Variants in ERBB4 observed in about 807,000 individuals in gnomAD.
ERBB4 encodes erb-b2 receptor tyrosine kinase 4.
ERBB4 carries 42 observed loss-of-function variants against 158.0 expected under a neutral mutation model. The observed-to-expected ratio is 0.27, with a 90% CI of 0.21 to 0.34. ERBB4 has a LOEUF of 0.34. ERBB4 is among the 10% of genes least tolerant of loss of function. The probability of loss-of-function intolerance (pLI) is 1.00; values close to 1 mark genes in which losing one functional copy is unlikely to be tolerated. For missense variants in ERBB4, 1,333 were observed against 1,624.1 expected (o/e 0.82, Z 3.08); for synonymous variants, 583 against 558.7 (o/e 1.04, Z -0.61).
At chr2:212,045,362 G>T (rs960764275) in intron 2 of ERBB4, among the ~76,000 whole-genome samples, 3 of 152,184 alleles carry the variant, frequency 2.0e-5, no homozygotes, top group Non-Finnish European at 4.4e-5. Flanking sequence ...GGAGGCTGAG[G>T]CATGAGAATC....
chr2:211,947,311 C>A, intron 3 of ERBB4, 119 bp downstream of exon 3: 1 of 811,752 alleles, frequency 1.2e-6, no homozygotes, highest in Admixed American at 2.3e-5. Context: ...AAATAAATCA[C>A]TGATATTTAA....
chr2:211,447,254 CAA>C (rs2064133907), intron 20 of ERBB4, among the ~76,000 whole-genome samples: 1 of 152,004 alleles, frequency 6.6e-6, no homozygotes, highest in Non-Finnish European at 1.5e-5. Flanking sequence ...TCTTTTATGA[CAA>C]GACTTAGCTC....
chr2:211,398,933 A>G lies in ERBB4; in HGVS notation c.3136-10941T>C, dbSNP rs540360307. Among the ~76,000 whole-genome samples, 4 of 152,314 alleles carry G rather than the reference A, an allele frequency of 2.6e-5. No homozygotes were observed. In the East Asian group the frequency reaches 5.8e-4, roughly 22 times the overall value. On this transcript the variant is annotated intron_variant, in intron 25 of 27. Transcript: ENST00000342788. Reference sequence around the variant, plus strand: ...GGCTTTGGTAACTATGATCCTTGCCAGTTTCTCCAGCTTCACCTCTTTCTT... The same window carrying G: ...GGCTTTGGTAACTATGATCCTTGCCGGTTTCTCCAGCTTCACCTCTTTCTT...
rs773380410 is a variant in ERBB4 at position 211,788,027 on chromosome 2, C to A, written c.554G>T (p.Gly185Val). Residue 185 changes from glycine to valine, a missense_variant and splice_region_variant, in exon 4 of 28, where the codon GGA (glycine) becomes GTA (valine). Coordinates refer to ENST00000342788, the MANE Select transcript of ERBB4 (RefSeq NM_005235.3). ...LTLVSTNGSS[G>V]CGRCHKSCTG... ...TTAAAAAGAATAATTCTACTTACAT[C>A]CTGAACTACCATTTGTTGACACAAG... The A allele has an allele frequency of 1.2e-6, 2 of 1,613,354 alleles. No homozygotes were observed. The highest frequency in any genetic ancestry group is 1.7e-6 in the Non-Finnish European group (2 of 1,179,560).
intron 1 of ERBB4, among the ~76,000 whole-genome samples, chr2:212,482,613 C>CTTTG (rs754676648): frequency 7.9e-5 from 12 of 152,064 alleles, no homozygotes; most frequent in African/African-American, 2.7e-4. Flanking sequence ...AACTCAACTT[C>CTTTG]TTTGTTTGTT....
At chr2:211,775,513 G>C (rs1199502054) in intron 4 of ERBB4, among the ~76,000 whole-genome samples, 1 of 152,188 alleles carries the variant, frequency 6.6e-6, no homozygotes, top group African/African-American at 2.4e-5. Flanking sequence ...TTTGGGGCTA[G>C]AGTTAGCTAA....
chr2:212,373,700 CATATATATATCCACATATATATCCAT>C (rs2090162635), intron 1 of ERBB4, among the ~76,000 whole-genome samples: 1 of 143,338 alleles, frequency 7.0e-6, no homozygotes, highest in African/African-American at 2.6e-5. Context: ...CATATATATC[CATATATATATCCACATATATATCCAT>C]ATATATATAT....
intron 1 of ERBB4, among the ~76,000 whole-genome samples, chr2:212,486,578 G>T (rs987890849): frequency 5.9e-5 from 9 of 152,142 alleles, no homozygotes; most frequent in Admixed American, 3.9e-4. Flanking sequence ...TTACTGTAAT[G>T]TATTAATGAT....
At position 211,913,762 on chromosome 2, in the gene ERBB4, A is replaced by G. The variant is rs1271512188; in HGVS notation, c.421+33668T>C. 3.3e-5 allele frequency among the ~76,000 whole-genome samples: 5 copies of G among 151,746 alleles called. No individual in the cohort carries two copies. In the South Asian group the frequency reaches 1.0e-3, roughly 32 times the overall value. On this transcript the variant is annotated intron_variant, in intron 3 of 27. Transcript: ENST00000342788. ...ATGGGCCTTTCTTATTATTTGAAAA[A>G]TGAAAGAACTGAATGCTATGATTTC...
chr2:211,460,829 T>C (rs888551481), intron 20 of ERBB4, among the ~76,000 whole-genome samples: 1 of 152,190 alleles, frequency 6.6e-6, no homozygotes, highest in South Asian at 2.1e-4. Flanking sequence ...ACAGATCTTG[T>C]CTAGTCTGGT....
At chr2:211,603,997 A>G (rs1357088510) in intron 19 of ERBB4, among the ~76,000 whole-genome samples, 2 of 152,232 alleles carry the variant, frequency 1.3e-5, no homozygotes, top group South Asian at 4.1e-4. Flanking sequence ...ACAGGATACC[A>G]CATTTCTAAA....
Position 212,300,743 on chromosome 2 carries a change from C to T in ERBB4, c.83-175840G>A, listed in dbSNP as rs865825484. On this transcript the variant is annotated intron_variant, in intron 1 of 27. Coordinates refer to ENST00000342788, the MANE Select transcript of ERBB4 (RefSeq NM_005235.3). ...AGAACTACCTCGATTTTTAGATGAA[C>T]CATTAACAATGGACTAAGAGAACCT... Among the ~76,000 whole-genome samples the T allele has an allele frequency of 5.3e-5, 8 of 151,386 alleles. No homozygotes were observed. The South Asian group carries it at 1.2e-3, about 24-fold the overall frequency.
At chr2:212,229,009 G>T (rs2083572564) in intron 1 of ERBB4, among the ~76,000 whole-genome samples, 1 of 152,188 alleles carries the variant, frequency 6.6e-6, no homozygotes, top group Non-Finnish European at 1.5e-5. Context: ...GCCCAAGGAA[G>T]AAAGGGCAGC....
intron 2 of ERBB4, among the ~76,000 whole-genome samples, chr2:212,021,123 T>C (rs2076639619): frequency 6.6e-6 from 1 of 152,164 alleles, no homozygotes. Context: ...TTATTCCTGA[T>C]AGATGTTTAC....
chr2:212,173,898 G>C (rs753625318), intron 1 of ERBB4, among the ~76,000 whole-genome samples: 25 of 152,090 alleles, frequency 1.6e-4, no homozygotes, highest in Non-Finnish European at 3.4e-4. Context: ...TTAAATATGA[G>C]CTCCTACTGC....
chr2:211,771,642 T>C lies in ERBB4; in HGVS notation c.556+16383A>G, dbSNP rs368371495. 2.0e-4 allele frequency among the ~76,000 whole-genome samples: 30 copies of C among 152,326 alleles called. No individual in the cohort carries two copies. The East Asian group carries it at 4.6e-3, about 23-fold the overall frequency. ...TGATGCTGAAGAGTCAAATGCTTTT[T>C]CTTTACAAATTTTGAGCTAAGCTGC... On this transcript the variant is annotated intron_variant, in intron 4 of 27. Transcript: ENST00000342788.
chr2:211,737,085 T>C (rs996975633), intron 5 of ERBB4, among the ~76,000 whole-genome samples: 3 of 152,168 alleles, frequency 2.0e-5, no homozygotes, highest in African/African-American at 7.2e-5. Context: ...CAGGGAAATA[T>C]AAGTAACTAC....
intron 2 of ERBB4, among the ~76,000 whole-genome samples, chr2:212,073,940 G>A (rs1365319647): frequency 6.6e-6 from 1 of 152,004 alleles, no homozygotes; most frequent in Non-Finnish European, 1.5e-5. Context: ...ACATGCAACT[G>A]AAATGATGCC....
At chr2:211,963,148 G>T (rs1242512074) in intron 2 of ERBB4, among the ~76,000 whole-genome samples, 3 of 151,986 alleles carry the variant, frequency 2.0e-5, no homozygotes, top group Non-Finnish European at 4.4e-5. Flanking sequence ...GGGGTGTTTT[G>T]CTTTCCAGAA....
Sources: allele counts gnomAD v4.1 joint callset (sites outside exome capture counted in the v4.1 genomes callset), GRCh38; gene constraint gnomAD v4.1.1; transcripts MANE v1.5; gene names NCBI Gene and HGNC (gene_info 2026-07-23, HGNC 2026-07-21).